The following TTLL5 variants were observed in gnomAD, a reference collection of about 807,000 sequenced individuals.
The protein encoded by TTLL5 is tubulin polyglutamylase TTLL5.
TTLL5 carries 132 observed loss-of-function variants against 168.4 expected under a neutral mutation model. The ratio of observed to expected loss-of-function variants is 0.78; its 90% confidence interval spans 0.68 to 0.91. TTLL5 has a LOEUF of 0.91. TTLL5 is among the 40% of genes least tolerant of loss of function. The pLI is 0.00. For synonymous variants in TTLL5, 546 were observed against 558.6 expected (o/e 0.98, Z 0.32); for missense variants, 1,545 against 1,581.5 (o/e 0.98, Z 0.39).
intron 29 of TTLL5, among the ~76,000 whole-genome samples, chr14:75,878,712 C>T (rs891148826): frequency 2.0e-5 from 3 of 152,206 alleles, no homozygotes; most frequent in African/African-American, 7.2e-5. Flanking sequence ...GCAGTAAGTT[C>T]TCCTAAATTA....
chr14:75,716,237 T>G (rs1887453889), intron 9 of TTLL5, among the ~76,000 whole-genome samples: 1 of 152,220 alleles, frequency 6.6e-6, no homozygotes, highest in African/African-American at 2.4e-5. Flanking sequence ...TACTGGAAGT[T>G]GGAAGTTTCT....
In TTLL5 at chr14:75,779,772, G is replaced by A. The variant is rs377005230; in HGVS notation, c.2515+70G>A. 4.0e-5 allele frequency: 59 copies of A among 1,486,818 alleles called. 1 individual carries two copies. The East Asian group carries it at 1.1e-3, about 27-fold the overall frequency. The allele number at this position is 1,486,818 out of a possible 1,614,324, so 92.1% of individuals were successfully genotyped here. A position where few individuals can be genotyped will look rare whatever the true frequency, so the allele number is the denominator to read the frequency against. ...AGAAATGAGAAATGCAAAGGAGAATGAGGAATAATGTGTTGGCTAAGCACT... is the reference window on the plus strand; with the variant it reads ...AGAAATGAGAAATGCAAAGGAGAATAAGGAATAATGTGTTGGCTAAGCACT... On this transcript the variant is annotated intron_variant, in intron 24 of 31. Transcript: ENST00000298832.
At chr14:75,820,502 A>G (rs907695665) in intron 28 of TTLL5, 1 of 179,970 alleles carries the variant, frequency 5.6e-6, no homozygotes, top group African/African-American at 2.4e-5. Context: ...TTTTTTTAAT[A>G]CCTTGTGTTG....
intron 31 of TTLL5, among the ~76,000 whole-genome samples, chr14:75,917,680 G>T (rs1167946472): frequency 2.6e-5 from 4 of 152,224 alleles, no homozygotes; most frequent in African/African-American, 7.2e-5. Context: ...CCCCTGGGTG[G>T]GGGTGATCTG....
At chr14:75,863,979 C>T (rs989582751) in intron 29 of TTLL5, 117 bp downstream of exon 29, 4 of 1,133,442 alleles carry the variant, frequency 3.5e-6, no homozygotes, top group African/African-American at 1.7e-5. Flanking sequence ...AACCCCGTGC[C>T]ATCCTGGCTT....
intron 28 of TTLL5, among the ~76,000 whole-genome samples, chr14:75,841,669 G>A (rs891371746): frequency 6.6e-6 from 1 of 152,004 alleles, no homozygotes; most frequent in Non-Finnish European, 1.5e-5. Flanking sequence ...GTAAATCGGG[G>A]GATTGGGAAG....
intron 27 of TTLL5, among the ~76,000 whole-genome samples, chr14:75,817,825 C>CTTTTCTTTTT (rs1894531625): frequency 8.2e-6 from 1 of 121,228 alleles, no homozygotes; most frequent in Non-Finnish European, 1.8e-5. Context: ...CTTTTCTTTT[C>CTTTTCTTTTT]TTTTCTTTTT....
intron 28 of TTLL5, among the ~76,000 whole-genome samples, chr14:75,824,173 A>G (rs985961889): frequency 2.6e-5 from 4 of 152,138 alleles, no homozygotes; most frequent in Non-Finnish European, 5.9e-5. Flanking sequence ...AATAAAACAG[A>G]ATGGTTCCCA....
chr14:75,808,595 T>G (rs977316325), intron 27 of TTLL5, among the ~76,000 whole-genome samples: 1 of 152,224 alleles, frequency 6.6e-6, no homozygotes, highest in African/African-American at 2.4e-5. Flanking sequence ...CTGGCACTTT[T>G]GGTTTTCCTC....
At chr14:75,931,229 C>T (rs547501964) in intron 31 of TTLL5, among the ~76,000 whole-genome samples, 8 of 152,128 alleles carry the variant, frequency 5.3e-5, no homozygotes, top group South Asian at 2.1e-4. Flanking sequence ...CACCTCTAGA[C>T]GTGTCTCCTG....
At chr14:75,699,004 C>CGAA (rs1424906139) in intron 6 of TTLL5, among the ~76,000 whole-genome samples, 184 bp from the exon 7 acceptor site, 1 of 152,044 alleles carries the variant, frequency 6.6e-6, no homozygotes, top group Non-Finnish European at 1.5e-5. Flanking sequence ...TTCCCTCGCT[C>CGAA]TATTTTTATT....
chr14:75,747,793 T>A (rs1404497291), intron 17 of TTLL5, among the ~76,000 whole-genome samples: 1 of 152,224 alleles, frequency 6.6e-6, no homozygotes, highest in Non-Finnish European at 1.5e-5. Flanking sequence ...CCTTACCTTC[T>A]CCTTAATTTG....
At chr14:75,698,768 G>A (rs931115224) in intron 6 of TTLL5, among the ~76,000 whole-genome samples, 4 of 152,090 alleles carry the variant, frequency 2.6e-5, no homozygotes, top group African/African-American at 7.2e-5. Flanking sequence ...AGCTGGGCAT[G>A]GTGGCCCATG....
rs367692864 is a variant in TTLL5 at position 75,690,473 on chromosome 14, TA to T, written c.502+156del. The T allele has an allele frequency of 1.3e-4, 134 of 999,450 alleles. 1 individual carries two copies. In the Middle Eastern group the frequency reaches 3.3e-3, roughly 24 times the overall value. 61.9% of individuals were successfully genotyped at this position (999,450 alleles called of 1,614,324 possible). A position where few individuals can be genotyped will look rare whatever the true frequency, so the allele number is the denominator to read the frequency against. ...AGTAAAACAGTTGCAGAGGTAACTT[TA>T]AAAACTATTTTTATTCTGATATGTT... On this transcript the variant is annotated intron_variant, in intron 6 of 31. Coordinates refer to ENST00000298832, the MANE Select transcript of TTLL5 (RefSeq NM_015072.5).
intron 9 of TTLL5, chr14:75,709,348 T>C (rs1886887675): frequency 1.6e-6 from 1 of 624,164 alleles, no homozygotes; most frequent in African/African-American, 1.8e-5. Context: ...TTGAAATCAG[T>C]GAGAGCAGAC....
Position 75,735,163 on chromosome 14 carries a change from G to A in TTLL5, c.1187-32G>A, listed in dbSNP as rs1486962442. On this transcript the variant is annotated intron_variant, in intron 14 of 31. Transcript: ENST00000298832. ...AGACCTGCTAATTTCTTAGAAAATGGCAGGTTTTAATGTTGCCCATTCCCC... is the reference window on the plus strand; with the variant it reads ...AGACCTGCTAATTTCTTAGAAAATGACAGGTTTTAATGTTGCCCATTCCCC... 1.9e-6 allele frequency: 3 copies of A among 1,605,224 alleles called. 1 individual carries two copies. The East Asian group carries it at 6.7e-5, about 36-fold the overall frequency.
At chr14:75,832,926 G>T (rs939229659) in intron 28 of TTLL5, among the ~76,000 whole-genome samples, 1 of 152,130 alleles carries the variant, frequency 6.6e-6, no homozygotes. Context: ...CCCAGGCTGA[G>T]CTCTCTCTTT....
intron 9 of TTLL5, among the ~76,000 whole-genome samples, chr14:75,707,922 T>C (rs1257447952): frequency 6.6e-6 from 1 of 152,222 alleles, no homozygotes; most frequent in Admixed American, 6.5e-5. Context: ...TATTTGTCTG[T>C]AGTCTCACTG....
rs746631669 is a variant in TTLL5 at position 75,775,509 on chromosome 14, G to A, written c.2162G>A (p.Arg721Gln). The A allele has an allele frequency of 3.0e-5, 48 of 1,613,438 alleles. No homozygotes were observed. In the East Asian group the frequency reaches 6.5e-4, roughly 22 times the overall value. ...QMELVVRFLK[R>Q]ASNNLQHSLR... ...GAGCTGGTTGTTCGTTTCCTCAAGC[G>A]AGCATCAAATAACCTCCAGCATTCA... is the stretch of plus-strand genomic sequence containing the variant. Residue 721 changes from arginine (R) to glutamine (Q), a missense_variant, in exon 22 of 32, where the codon CGA (arginine) becomes CAA (glutamine). Arg to Gln is a conservative substitution (Grantham distance 43). Transcript: ENST00000298832.
Sources: gnomAD v4.1 joint callset for allele counts (sites outside exome capture counted in the v4.1 genomes callset) on GRCh38, gnomAD v4.1.1 for gene constraint, MANE v1.5 for transcripts, NCBI Gene and HGNC (gene_info 2026-07-23, HGNC 2026-07-21) for gene names.